The following HMCN1 variants were observed in gnomAD, a reference collection of about 807,000 sequenced individuals.
HMCN1 encodes hemicentin-1.
Under a neutral mutation model 625.9 loss-of-function variants are expected in HMCN1, and 321 were observed. That is an observed-to-expected ratio of 0.51 (90% CI 0.47 to 0.56). The LOEUF (loss-of-function observed/expected upper bound fraction) is 0.56, where lower values mean the gene tolerates loss of function less well. HMCN1 is among the 20% of genes least tolerant of loss of function. HMCN1 has a pLI of 0.00. For synonymous variants in HMCN1, 2,425 were observed against 2,417.6 expected (o/e 1.00, Z -0.09); for missense variants, 6,588 against 6,887.3 (o/e 0.96, Z 1.54).
intron 1 of HMCN1, among the ~76,000 whole-genome samples, chr1:185,803,334 T>C (rs947158566): frequency 1.6e-4 from 25 of 152,102 alleles, no homozygotes; most frequent in African/African-American, 5.8e-4. Context: ...AATATATAGC[T>C]TTGACATCTT....
chr1:185,963,391 G>A (rs1192839206), intron 12 of HMCN1, among the ~76,000 whole-genome samples: 3 of 152,130 alleles, frequency 2.0e-5, no homozygotes, highest in Non-Finnish European at 4.4e-5. Flanking sequence ...ACCACATGGA[G>A]CAAGATTGCC....
At chr1:186,107,698 T>A (rs1660674386) in intron 70 of HMCN1, among the ~76,000 whole-genome samples, 1 of 152,162 alleles carries the variant, frequency 6.6e-6, no homozygotes. Context: ...TGGATAACTT[T>A]GCATGCACAT....
At chr1:186,022,449 G>T (rs1654784619) in intron 35 of HMCN1, among the ~76,000 whole-genome samples, 1 of 152,062 alleles carries the variant, frequency 6.6e-6, no homozygotes, top group Non-Finnish European at 1.5e-5. Flanking sequence ...CTAGGCTGGT[G>T]GGTATTGTGA....
At chr1:185,955,510 A>T (rs933771521) in intron 11 of HMCN1, among the ~76,000 whole-genome samples, 1 of 152,202 alleles carries the variant, frequency 6.6e-6, no homozygotes. Context: ...CTTGCTATTG[A>T]TATTAAGCCT....
chr1:186,089,079 G>A (rs1012772758), intron 63 of HMCN1, among the ~76,000 whole-genome samples: 4 of 151,896 alleles, frequency 2.6e-5, no homozygotes, highest in Admixed American at 6.6e-5. Context: ...TTGATGGTAA[G>A]CCTATAGATC....
At chr1:186,148,713 G>A (rs1344281477) in intron 93 of HMCN1, among the ~76,000 whole-genome samples, 1 of 151,952 alleles carries the variant, frequency 6.6e-6, no homozygotes, top group African/African-American at 2.4e-5. Flanking sequence ...CACCATGTTG[G>A]CCAGGCTGGT....
Position 185,977,993 on chromosome 1 carries a change from GA to G in HMCN1, c.2566+15del. On this transcript the variant is annotated intron_variant, in intron 16 of 106. Transcript: ENST00000271588. ...TCTCTTTATTTTAAGTAGGTTGAAG[GA>G]AATATATTTTGTACGAATATGTACT... 6.3e-7 allele frequency: 1 copy of G among 1,576,726 alleles called. No individual in the cohort carries two copies.
At chr1:185,981,880 G>A (rs751059940) in intron 17 of HMCN1, among the ~76,000 whole-genome samples, 1 of 151,986 alleles carries the variant, frequency 6.6e-6, no homozygotes, top group Non-Finnish European at 1.5e-5. Flanking sequence ...TGTACTTACA[G>A]TTTTCAGATT....
At chr1:186,115,190 C>T (rs2102474996) in intron 74 of HMCN1, 68 bp from the exon 75 acceptor site, 1 of 1,577,664 alleles carries the variant, frequency 6.3e-7, no homozygotes, top group Non-Finnish European at 8.7e-7. Flanking sequence ...TTCAGTTCAG[C>T]AGAAATATTT....
chr1:185,804,971 T>C (rs565868454), intron 1 of HMCN1, among the ~76,000 whole-genome samples: 1 of 152,234 alleles, frequency 6.6e-6, no homozygotes, highest in South Asian at 2.1e-4. Flanking sequence ...CTTGTTGTAA[T>C]AGTTTGGTTA....
At chr1:185,868,637 A>G (rs1663421877) in intron 4 of HMCN1, among the ~76,000 whole-genome samples, 1 of 152,202 alleles carries the variant, frequency 6.6e-6, no homozygotes, top group African/African-American at 2.4e-5. Context: ...CTGTGAGTCA[A>G]TTAAGCCTCT....
chr1:186,139,560 T>C (rs1451660829), intron 89 of HMCN1, among the ~76,000 whole-genome samples: 1 of 152,106 alleles, frequency 6.6e-6, no homozygotes, highest in Non-Finnish European at 1.5e-5. Context: ...GTCTGTTTGG[T>C]TACTTACTGT....
At chr1:185,896,774 T>C (rs1333787833) in intron 4 of HMCN1, among the ~76,000 whole-genome samples, 1 of 152,198 alleles carries the variant, frequency 6.6e-6, no homozygotes, top group Non-Finnish European at 1.5e-5. Flanking sequence ...TGCAAACCTC[T>C]GTTGTGAAGG....
intron 1 of HMCN1, among the ~76,000 whole-genome samples, chr1:185,817,867 G>T (rs1486578923): frequency 1.3e-5 from 2 of 152,126 alleles, no homozygotes; most frequent in Non-Finnish European, 2.9e-5. Context: ...GATCTCAGAA[G>T]ATAGAAGGCA....
At position 186,166,170 on chromosome 1, in the gene HMCN1, G is replaced by C; in HGVS notation, c.15320-14G>C. 4 of 1,613,714 alleles carry C rather than the reference G, an allele frequency of 2.5e-6. No homozygotes were observed. Among genetic ancestry groups the C allele is most frequent in the East Asian group, 2.2e-5 (1 of 44,856 alleles). Reference sequence around the variant, plus strand: ...TTTACATACTGATTTGGGCCTTTTTGTTTCTTCTTTAAGATGAGGATGAAT... The same window carrying C: ...TTTACATACTGATTTGGGCCTTTTTCTTTCTTCTTTAAGATGAGGATGAAT... On this transcript the variant is annotated splice_polypyrimidine_tract_variant and intron_variant, in intron 98 of 106. Coordinates refer to ENST00000271588, the MANE Select transcript of HMCN1 (RefSeq NM_031935.3).
intron 4 of HMCN1, among the ~76,000 whole-genome samples, chr1:185,874,701 CTGAA>C (rs1663824488): frequency 6.6e-6 from 1 of 151,450 alleles, no homozygotes; most frequent in African/African-American, 2.4e-5. Context: ...GTATAAGTGA[CTGAA>C]TGAAGAGAAA....
Position 186,117,450 on chromosome 1 carries a change from T to G in HMCN1, c.11684-9T>G, listed in dbSNP as rs759902275. On this transcript the variant is annotated splice_polypyrimidine_tract_variant and intron_variant, in intron 76 of 106. Transcript: ENST00000271588. ...GTTTTTTCCCTTTTTGTTGTTGTTG[T>G]TGTTTTAGTTCCACCTTCCATAGCT... is the stretch of plus-strand genomic sequence containing the variant. The G allele has an allele frequency of 6.2e-7, 1 of 1,613,314 alleles. No individual in the cohort carries two copies. The highest frequency in any genetic ancestry group is 1.1e-5 in the South Asian group (1 of 91,082).
At chr1:186,119,933 A>G (rs189672552) in intron 79 of HMCN1, 51 bp downstream of exon 79, 3 of 1,613,986 alleles carry the variant, frequency 1.9e-6, no homozygotes, top group Non-Finnish European at 1.7e-6. Flanking sequence ...TCAGTGTTTT[A>G]TAATTCGAAT....
At chr1:186,030,093 C>A (rs1331191829) in intron 36 of HMCN1, among the ~76,000 whole-genome samples, 2 of 151,868 alleles carry the variant, frequency 1.3e-5, no homozygotes, top group Non-Finnish European at 2.9e-5. Context: ...GATTATAGTC[C>A]TTTTAAATGT....
Sources: gnomAD v4.1 joint callset for allele counts (sites outside exome capture counted in the v4.1 genomes callset) on GRCh38, gnomAD v4.1.1 for gene constraint, MANE v1.5 for transcripts, NCBI Gene and HGNC (gene_info 2026-07-23, HGNC 2026-07-21) for gene names.